The following CHRM2 variants were observed in gnomAD, a reference collection of about 807,000 sequenced individuals.
The protein encoded by CHRM2 is cholinergic receptor muscarinic 2, also known as muscarinic acetylcholine receptor M2.
A neutral mutation model predicts 25.0 loss-of-function variants in CHRM2; 8 were observed. That is an observed-to-expected ratio of 0.32 (90% CI 0.19 to 0.58). The LOEUF is 0.58. CHRM2 is among the 20% of genes least tolerant of loss of function. The pLI is 0.88. For missense variants in CHRM2, 440 were observed against 567.1 expected, an observed-to-expected ratio of 0.78 and a Z score of 2.28; for synonymous variants, 202 against 205.7, an observed-to-expected ratio of 0.98 and a Z score of 0.15.
intron 2 of CHRM2, among the ~76,000 whole-genome samples, chr7:136,910,340 C>T (rs1192644670): frequency 1.3e-5 from 2 of 151,672 alleles, no homozygotes; most frequent in Non-Finnish European, 2.9e-5. Context: ...TCTACATGAC[C>T]CTAGTGTTTC....
At chr7:136,874,841 G>A (rs980704503) in intron 2 of CHRM2, among the ~76,000 whole-genome samples, 1 of 151,586 alleles carries the variant, frequency 6.6e-6, no homozygotes, top group Non-Finnish European at 1.5e-5. Flanking sequence ...GCAAAGGGGT[G>A]GGAAGGATAT....
intron 2 of CHRM2, among the ~76,000 whole-genome samples, chr7:136,900,854 A>G (rs1797164085): frequency 6.6e-6 from 1 of 152,050 alleles, no homozygotes; most frequent in South Asian, 2.1e-4. Flanking sequence ...AGAAGCAGAC[A>G]GTGGCATATA....
chr7:136,875,910 T>G (rs1250100294), intron 2 of CHRM2, among the ~76,000 whole-genome samples: 1 of 152,168 alleles, frequency 6.6e-6, no homozygotes, highest in Non-Finnish European at 1.5e-5. Flanking sequence ...CTTCCTCCTC[T>G]TCGTGGAATT....
chr7:136,983,981 G>A (rs1327790678), intron 2 of CHRM2, among the ~76,000 whole-genome samples: 3 of 152,154 alleles, frequency 2.0e-5, no homozygotes, highest in Non-Finnish European at 2.9e-5. Context: ...AGGGAGATCC[G>A]CTGCTCTCTT....
At chr7:136,958,717 A>G (rs1800877348) in intron 2 of CHRM2, among the ~76,000 whole-genome samples, 1 of 152,036 alleles carries the variant, frequency 6.6e-6, no homozygotes. Context: ...TCAGCCTCCC[A>G]CAGTGCTGGG....
At chr7:136,956,057 A>C (rs781198851) in intron 2 of CHRM2, among the ~76,000 whole-genome samples, 3 of 152,184 alleles carry the variant, frequency 2.0e-5, no homozygotes, top group Non-Finnish European at 1.5e-5. Context: ...TCAGAAGGAA[A>C]AATATTAGAT....
intron 2 of CHRM2, among the ~76,000 whole-genome samples, chr7:136,930,898 C>CAAAAAAAAAAAAAAAAAAAAAAAA (rs57705639): frequency 1.6e-5 from 1 of 61,152 alleles, no homozygotes. Flanking sequence ...CTCATTCTCT[C>CAAAAAAAAAAAAAAAAAAAAAAAA]AAAAAAAAAA....
At chr7:136,986,533 A>C (rs905949607) in intron 2 of CHRM2, among the ~76,000 whole-genome samples, 1 of 152,238 alleles carries the variant, frequency 6.6e-6, no homozygotes, top group Admixed American at 6.5e-5. Flanking sequence ...ATAGCTTTCC[A>C]AACACTGGCC....
At chr7:136,890,601 C>G (rs1349381310) in intron 2 of CHRM2, among the ~76,000 whole-genome samples, 2 of 152,176 alleles carry the variant, frequency 1.3e-5, no homozygotes, top group Non-Finnish European at 2.9e-5. Flanking sequence ...ATCCTGACAG[C>G]CAGAAACCAC....
intron 2 of CHRM2, among the ~76,000 whole-genome samples, chr7:136,960,955 G>A (rs866848394): frequency 6.6e-6 from 1 of 151,984 alleles, no homozygotes; most frequent in Non-Finnish European, 1.5e-5. Context: ...GTGAAACCCC[G>A]TCTCTACTAA....
At chr7:136,962,141 G>GT (rs71176362) in intron 2 of CHRM2, among the ~76,000 whole-genome samples, 74 of 147,606 alleles carry the variant, frequency 5.0e-4, no homozygotes, top group East Asian at 1.2e-3. Flanking sequence ...TGGTAATTCT[G>GT]TTTTTTTTTT....
intron 2 of CHRM2, among the ~76,000 whole-genome samples, chr7:136,921,794 C>CTTTTTTT (rs398006503): frequency 8.6e-6 from 1 of 116,538 alleles, no homozygotes; most frequent in Non-Finnish European, 2.0e-5. Context: ...TTCTTTCTTT[C>CTTTTTTT]TTTTTTTTGA....
At chr7:136,970,469 A>G (rs940488990) in intron 2 of CHRM2, among the ~76,000 whole-genome samples, 1 of 151,996 alleles carries the variant, frequency 6.6e-6, no homozygotes, top group Non-Finnish European at 1.5e-5. Context: ...GTAATCCCAT[A>G]TTTTACTTGA....
intron 2 of CHRM2, among the ~76,000 whole-genome samples, chr7:136,891,916 T>TTGTC (rs1312502378): frequency 1.3e-5 from 2 of 152,200 alleles, no homozygotes; most frequent in African/African-American, 4.8e-5. Context: ...TCTCAGCACC[T>TTGTC]TGTCTGTTTC....
chr7:136,990,394 T>A (rs1803142116), intron 2 of CHRM2, among the ~76,000 whole-genome samples: 1 of 152,166 alleles, frequency 6.6e-6, no homozygotes, highest in Admixed American at 6.6e-5. Flanking sequence ...CCTGGCAATT[T>A]CTGCCCACCA....
Position 136,915,858 on chromosome 7 carries a change from AT to A in CHRM2, c.-125+46455del, listed in dbSNP as rs113903060. ...ATCAGGAAGCATTTTGAAAAGAAAC[AT>A]TTTTTTTTTTTTTTGGTTCTTTGAA... On this transcript the variant is annotated intron_variant, in intron 2 of 3. Transcript: ENST00000680005. Among the ~76,000 whole-genome samples, 934 of 141,458 alleles carry A rather than the reference AT, an allele frequency of 6.6e-3. 2 individuals are homozygous for A. The highest frequency in any genetic ancestry group is 0.013 in the South Asian group (55 of 4,400). The allele number at this position is 141,458 out of a possible 152,430, so 92.8% of individuals were successfully genotyped here. A position where few individuals can be genotyped will look rare whatever the true frequency, so the allele number is the denominator to read the frequency against.
At chr7:136,984,485 T>C (rs1802708880) in intron 2 of CHRM2, among the ~76,000 whole-genome samples, 1 of 150,264 alleles carries the variant, frequency 6.7e-6, no homozygotes, top group African/African-American at 2.5e-5. Flanking sequence ...ACCACCGGGG[T>C]AAGAAAAAAA....
intron 2 of CHRM2, among the ~76,000 whole-genome samples, chr7:136,917,740 A>T (rs1244492926): frequency 6.6e-6 from 1 of 152,046 alleles, no homozygotes; most frequent in Admixed American, 6.6e-5. Flanking sequence ...AGGATTTTTT[A>T]AAAATTTCCA....
chr7:136,945,703 G>A (rs1800036058), intron 2 of CHRM2, among the ~76,000 whole-genome samples: 1 of 152,060 alleles, frequency 6.6e-6, no homozygotes, highest in Non-Finnish European at 1.5e-5. Context: ...GGCTATGCGG[G>A]CTCTTCTTTG....
Sources: allele counts gnomAD v4.1 joint callset (sites outside exome capture counted in the v4.1 genomes callset), GRCh38; gene constraint gnomAD v4.1.1; transcripts MANE v1.5; gene names NCBI Gene and HGNC (gene_info 2026-07-23, HGNC 2026-07-21).